The following GPC6 variants were observed in gnomAD, a reference collection of about 807,000 sequenced individuals.
GPC6 encodes the protein glypican 6.
GPC6 carries 14 observed loss-of-function variants against 55.2 expected under a neutral mutation model. The observed-to-expected ratio is 0.25, with a 90% CI of 0.17 to 0.40. The LOEUF (loss-of-function observed/expected upper bound fraction) is 0.40. Among genes scored for constraint, GPC6 ranks in the 10% least tolerant of loss-of-function variants. GPC6 has a pLI of 1.00. For synonymous variants in GPC6, 278 were observed against 259.6 expected (o/e 1.07, Z -0.68); for missense variants, 641 against 708.5 (o/e 0.90, Z 1.08).
At chr13:94,037,893 G>A (rs1388325837) in intron 4 of GPC6, among the ~76,000 whole-genome samples, 1 of 151,950 alleles carries the variant, frequency 6.6e-6, no homozygotes, top group Non-Finnish European at 1.5e-5. Flanking sequence ...CAGCATAGCA[G>A]CCACTAGCCA....
At chr13:93,351,960 G>A (rs1262592577) in intron 1 of GPC6, among the ~76,000 whole-genome samples, 5 of 152,016 alleles carry the variant, frequency 3.3e-5, no homozygotes, top group African/African-American at 1.2e-4. Context: ...CAAGTTTTTG[G>A]TCCGTATATA....
At chr13:94,001,841 C>G (rs994107894) in intron 3 of GPC6, among the ~76,000 whole-genome samples, 2 of 152,046 alleles carry the variant, frequency 1.3e-5, no homozygotes, top group Non-Finnish European at 2.9e-5. Context: ...AATGGGAGAG[C>G]GACACCATTG....
At chr13:93,354,125 C>A (rs1880740702) in intron 1 of GPC6, among the ~76,000 whole-genome samples, 1 of 152,090 alleles carries the variant, frequency 6.6e-6, no homozygotes, top group Admixed American at 6.5e-5. Context: ...AGCACGTTTG[C>A]TTTGACCATT....
chr13:94,232,784 A>G (rs1336371313), intron 4 of GPC6, among the ~76,000 whole-genome samples: 2 of 152,014 alleles, frequency 1.3e-5, no homozygotes, highest in Non-Finnish European at 2.9e-5. Flanking sequence ...GTGAGTTTTT[A>G]TGTGTCTCGG....
intron 3 of GPC6, among the ~76,000 whole-genome samples, chr13:93,905,512 A>G (rs1411951750): frequency 1.3e-5 from 2 of 152,210 alleles, no homozygotes; most frequent in Admixed American, 6.5e-5. Flanking sequence ...ACCTTTCTAA[A>G]TAGGAATGGG....
At chr13:93,225,244 C>A (rs1401101141), upstream of GPC6, among the ~76,000 whole-genome samples, 1 of 152,182 alleles carries the variant, frequency 6.6e-6, no homozygotes, top group African/African-American at 2.4e-5. Context: ...TGAAGGAAGT[C>A]ACGTTGTCAA....
At chr13:93,831,556 CTTTT>C (rs34397604) in intron 3 of GPC6, among the ~76,000 whole-genome samples, 1 of 147,396 alleles carries the variant, frequency 6.8e-6, no homozygotes. Flanking sequence ...TACAATGCTT[CTTTT>C]TTTTTTTTTG....
At chr13:93,466,204 T>A (rs1878897966) in intron 1 of GPC6, among the ~76,000 whole-genome samples, 1 of 147,210 alleles carries the variant, frequency 6.8e-6, no homozygotes, top group South Asian at 2.2e-4. Context: ...TGCCACAAAC[T>A]TTCAAATTGT....
intron 1 of GPC6, among the ~76,000 whole-genome samples, chr13:93,285,858 A>G (rs534914031): frequency 1.3e-5 from 2 of 152,300 alleles, no homozygotes; most frequent in East Asian, 1.9e-4. Flanking sequence ...GAAGTTGTCA[A>G]TATTAATGTA....
chr13:93,870,686 TA>T lies in GPC6; in HGVS notation c.711+40143del, dbSNP rs148537231. Reference sequence around the variant, plus strand: ...AAATCCAATATGATTGGTATCTTTATAAGAAGAGATAAGGACACACACACAC... The same window carrying T: ...AAATCCAATATGATTGGTATCTTTATAGAAGAGATAAGGACACACACACAC... On this transcript the variant is annotated intron_variant, in intron 3 of 8. Coordinates refer to ENST00000377047, the MANE Select transcript of GPC6 (RefSeq NM_005708.5). Among the ~76,000 whole-genome samples, 702 of 151,846 alleles carry T rather than the reference TA, an allele frequency of 4.6e-3. 6 individuals carry two copies. Among genetic ancestry groups the T allele is most frequent in the African/African-American group, 0.016 (673 of 41,494 alleles).
intron 6 of GPC6, among the ~76,000 whole-genome samples, chr13:94,344,579 C>G (rs1030213052): frequency 6.6e-6 from 1 of 152,236 alleles, no homozygotes; most frequent in Non-Finnish European, 1.5e-5. Context: ...TTTTACTCTT[C>G]GTGACTGGTC....
chr13:93,651,899 C>T (rs1744470152), intron 2 of GPC6, among the ~76,000 whole-genome samples: 2 of 152,166 alleles, frequency 1.3e-5, no homozygotes, highest in Non-Finnish European at 2.9e-5. Context: ...AATCCCTGGG[C>T]ATAGGGCCTG....
intron 4 of GPC6, among the ~76,000 whole-genome samples, chr13:94,235,419 A>C (rs973648273): frequency 1.3e-5 from 2 of 152,162 alleles, no homozygotes; most frequent in Non-Finnish European, 2.9e-5. Flanking sequence ...TACCATCCTC[A>C]TTGAGCGGCC....
intron 3 of GPC6, among the ~76,000 whole-genome samples, chr13:93,966,695 G>A (rs753563815): frequency 2.3e-5 from 3 of 129,192 alleles, no homozygotes; most frequent in African/African-American, 9.1e-5. Context: ...CTGTCGCCCA[G>A]GCTGAAGTAC....
At chr13:93,491,738 T>C (rs1594209374) in intron 1 of GPC6, among the ~76,000 whole-genome samples, 1 of 127,792 alleles carries the variant, frequency 7.8e-6, no homozygotes, top group South Asian at 2.8e-4. Flanking sequence ...TTTCTACATA[T>C]GTCTAGCCAG....
At chr13:93,548,330 G>A (rs1156291040) in intron 2 of GPC6, among the ~76,000 whole-genome samples, 1 of 152,078 alleles carries the variant, frequency 6.6e-6, no homozygotes, top group Non-Finnish European at 1.5e-5. Flanking sequence ...ATTAAGAAAG[G>A]TTGATGACTT....
chr13:94,330,104 G>A (rs748526940), intron 6 of GPC6, among the ~76,000 whole-genome samples: 7 of 152,162 alleles, frequency 4.6e-5, no homozygotes, highest in Non-Finnish European at 1.0e-4. Context: ...GTGTTCCCTC[G>A]ATCAGGACTG....
At chr13:94,142,767 T>G (rs1406241706) in intron 4 of GPC6, among the ~76,000 whole-genome samples, 1 of 151,882 alleles carries the variant, frequency 6.6e-6, no homozygotes, top group Non-Finnish European at 1.5e-5. Flanking sequence ...TTGATGTATA[T>G]TCCCAAAAAA....
intron 3 of GPC6, among the ~76,000 whole-genome samples, chr13:93,905,184 A>C (rs1030642217): frequency 6.6e-6 from 1 of 151,424 alleles, no homozygotes; most frequent in Non-Finnish European, 1.5e-5. Context: ...ATTTATTTAG[A>C]AACTGCATTG....
Sources: gnomAD v4.1 joint callset for allele counts (sites outside exome capture counted in the v4.1 genomes callset) on GRCh38, gnomAD v4.1.1 for gene constraint, MANE v1.5 for transcripts, NCBI Gene and HGNC (gene_info 2026-07-23, HGNC 2026-07-21) for gene names.